The following FHIP1A variants were observed in gnomAD, a reference collection of about 807,000 sequenced individuals.
FHIP1A encodes FHF complex subunit HOOK-interacting protein 1A.
FHIP1A carries 61 observed loss-of-function variants against 88.6 expected under a neutral mutation model. The observed-to-expected ratio is 0.69, with a 90% CI of 0.56 to 0.85. FHIP1A has a LOEUF of 0.85. Among genes scored for constraint, FHIP1A ranks in the 40% least tolerant of loss-of-function variants. The probability of loss-of-function intolerance (pLI) is 0.00; values close to 1 mark genes in which losing one functional copy is unlikely to be tolerated. For missense variants in FHIP1A, 1,154 were observed against 1,273.5 expected, an observed-to-expected ratio of 0.91 and a Z score of 1.43; for synonymous variants, 478 against 496.0, an observed-to-expected ratio of 0.96 and a Z score of 0.48.
At chr4:151,475,315 A>G (rs890164324) in intron 2 of FHIP1A, among the ~76,000 whole-genome samples, 2 of 152,158 alleles carry the variant, frequency 1.3e-5, no homozygotes, top group African/African-American at 4.8e-5. Flanking sequence ...GAAGTTAAAC[A>G]TTTTGTGTAT....
chr4:151,450,931 C>A (rs1728768588), intron 1 of FHIP1A, among the ~76,000 whole-genome samples: 1 of 151,994 alleles, frequency 6.6e-6, no homozygotes, highest in South Asian at 2.1e-4. Flanking sequence ...GTGTGTGCCA[C>A]CATGCTTGGC....
chr4:151,501,113 A>G (rs1417966035), intron 3 of FHIP1A, among the ~76,000 whole-genome samples: 1 of 152,204 alleles, frequency 6.6e-6, no homozygotes, highest in African/African-American at 2.4e-5. Flanking sequence ...AATAAAGGCA[A>G]TATAAACACC....
chr4:151,518,925 A>C (rs1307303975), intron 3 of FHIP1A, among the ~76,000 whole-genome samples: 2 of 152,068 alleles, frequency 1.3e-5, no homozygotes, highest in Admixed American at 6.6e-5. Context: ...CCTGGCCTCC[A>C]GTTCTCCCAC....
chr4:151,494,418 T>C (rs1730389511), intron 3 of FHIP1A, among the ~76,000 whole-genome samples: 1 of 152,244 alleles, frequency 6.6e-6, no homozygotes, highest in Admixed American at 6.5e-5. Flanking sequence ...GTACCATTTA[T>C]TGAATAGGGA....
intron 3 of FHIP1A, among the ~76,000 whole-genome samples, chr4:151,531,817 G>A (rs1036182767): frequency 7.9e-5 from 12 of 152,206 alleles, no homozygotes; most frequent in Non-Finnish European, 7.4e-5. Flanking sequence ...TGCCACTTAC[G>A]TAAATTACAT....
chr4:151,615,896 A>G (rs148158861), intron 7 of FHIP1A, among the ~76,000 whole-genome samples: 78 of 152,208 alleles, frequency 5.1e-4, no homozygotes, highest in African/African-American at 1.9e-3. Flanking sequence ...CAGAAAAGGA[A>G]AGTTTAGATT....
Position 151,586,727 on chromosome 4 carries a change from A to G in FHIP1A, c.819A>G (p.Lys273=), listed in dbSNP as rs1319104345. Residue 273 remains lysine, a synonymous_variant, in exon 6 of 14, where the codon AAA becomes AAG. Transcript: ENST00000435205. The stretch of plus-strand genomic sequence containing the variant: ...GCGAGGAATGGCACTGCCTTCTGAA[A>G]GATGACTGGCTTCTACTTCCTTCTC... ...EKGEEWHCLL[K]DDWLLLPSLV... 1 of 1,551,402 alleles carries G rather than the reference A, an allele frequency of 6.4e-7. No individual in the cohort carries two copies. The highest frequency in any genetic ancestry group is 8.7e-7 in the Non-Finnish European group (1 of 1,146,826).
Position 151,507,035 on chromosome 4 carries a change from C to A in FHIP1A, c.-123+24387C>A, listed in dbSNP as rs150971004. On this transcript the variant is annotated intron_variant, in intron 3 of 13. Coordinates refer to ENST00000435205, the MANE Select transcript of FHIP1A (RefSeq NM_001109977.3). ...AATCTTGAACACAAGGTACTTGTTT[C>A]TAGTTGAGATTTCCTACCCAGAATG... Among the ~76,000 whole-genome samples, 400 of 152,234 alleles carry A rather than the reference C, an allele frequency of 2.6e-3. 1 individual carries two copies. The highest frequency in any genetic ancestry group is 9.3e-3 in the African/African-American group (385 of 41,524).
rs374863360 is a variant in FHIP1A at position 151,544,472 on chromosome 4, CTT to C, written c.-122-21664_-122-21663del. ...TGATTAACCTCACCAAACAGTCCAACTTTGTCATTATTTAATTTCTCCTTTTC... is the reference window on the plus strand; with the variant it reads ...TGATTAACCTCACCAAACAGTCCAACTGTCATTATTTAATTTCTCCTTTTC... On this transcript the variant is annotated intron_variant, in intron 3 of 13. Coordinates refer to ENST00000435205, the MANE Select transcript of FHIP1A (RefSeq NM_001109977.3). 3.4e-3 allele frequency among the ~76,000 whole-genome samples: 515 copies of C among 152,324 alleles called. 3 individuals carry two copies. Among genetic ancestry groups the C allele is most frequent in the African/African-American group, 0.012 (493 of 41,572 alleles).
chr4:151,558,513 A>T (rs1336539638), intron 3 of FHIP1A, among the ~76,000 whole-genome samples: 1 of 151,674 alleles, frequency 6.6e-6, no homozygotes, highest in African/African-American at 2.4e-5. Context: ...CAGCCTGATA[A>T]CAGAGCAACA....
rs545095832 is a variant in FHIP1A, at chr4:151,492,547, G to A, written c.-123+9899G>A. 1.6e-4 allele frequency among the ~76,000 whole-genome samples: 24 copies of A among 150,248 alleles called. No homozygotes were observed. The South Asian group carries it at 4.8e-3, about 30-fold the overall frequency. On this transcript the variant is annotated intron_variant, in intron 3 of 13. Transcript: ENST00000435205. The stretch of plus-strand genomic sequence containing the variant: ...GCATAGGTTGCAATGAGCTGAGATC[G>A]TGTCATTGCACTCCAGCCTGGGTGA...
Position 151,663,016 on chromosome 4 carries a change from T to G in FHIP1A, c.*262T>G. On this transcript the variant is annotated 3_prime_UTR_variant, in exon 14 of 14. Transcript: ENST00000435205. Reference sequence around the variant, plus strand: ...TTGCTCTGTTTTTCCTCCTTATATTTTTTTGGTTGTCATTCTCCTATCCCT... The same window carrying G: ...TTGCTCTGTTTTTCCTCCTTATATTGTTTTGGTTGTCATTCTCCTATCCCT... The G allele has an allele frequency of 2.9e-6, 1 of 340,136 alleles. No homozygotes were observed. Among genetic ancestry groups the G allele is most frequent in the Non-Finnish European group, 5.2e-6 (1 of 190,934 alleles). The allele number at this position is 340,136 out of a possible 1,614,324, so 21.1% of individuals were successfully genotyped here.
chr4:151,605,539 A>C (rs1735039287), intron 7 of FHIP1A, among the ~76,000 whole-genome samples: 1 of 152,238 alleles, frequency 6.6e-6, no homozygotes, highest in Non-Finnish European at 1.5e-5. Context: ...AGACAGAAGC[A>C]AAAAGTCTAC....
At chr4:151,529,154 T>C (rs1371073464) in intron 3 of FHIP1A, among the ~76,000 whole-genome samples, 1 of 152,088 alleles carries the variant, frequency 6.6e-6, no homozygotes, top group Non-Finnish European at 1.5e-5. Flanking sequence ...ACCTACTTTA[T>C]CTCTGGTTGC....
At chr4:151,438,605 C>CTTTTTTTTTTTTT (rs200467402) in intron 1 of FHIP1A, among the ~76,000 whole-genome samples, 10 of 132,464 alleles carry the variant, frequency 7.5e-5, no homozygotes, top group Non-Finnish European at 1.3e-4. Context: ...CGGTTTTTGC[C>CTTTTTTTTTTTTT]TTTTTTTTTT....
intron 3 of FHIP1A, among the ~76,000 whole-genome samples, chr4:151,512,077 C>T (rs1361618077): frequency 6.6e-6 from 1 of 152,222 alleles, no homozygotes; most frequent in Non-Finnish European, 1.5e-5. Flanking sequence ...CCGGGTACTC[C>T]TCTGAGACAA....
chr4:151,451,868 T>G (rs1174123548), intron 1 of FHIP1A, among the ~76,000 whole-genome samples: 1 of 151,678 alleles, frequency 6.6e-6, no homozygotes, highest in East Asian at 1.9e-4. Flanking sequence ...TTGCCCAGGC[T>G]GAAGTGCCAT....
intron 1 of FHIP1A, among the ~76,000 whole-genome samples, chr4:151,418,172 T>TAAAAAAAAA (rs1040622837): frequency 1.4e-4 from 11 of 77,912 alleles, no homozygotes; most frequent in Admixed American, 3.3e-4. Flanking sequence ...AACCTATCTC[T>TAAAAAAAAA]AAAAAAAAAA....
chr4:151,585,135 A>G (rs1418909715), intron 5 of FHIP1A, among the ~76,000 whole-genome samples: 1 of 151,000 alleles, frequency 6.6e-6, no homozygotes, highest in African/African-American at 2.4e-5. Flanking sequence ...ATTCGAGGCC[A>G]TTGTCACCTC....
Sources: gnomAD v4.1 joint callset for allele counts (sites outside exome capture counted in the v4.1 genomes callset) on GRCh38, gnomAD v4.1.1 for gene constraint, MANE v1.5 for transcripts, NCBI Gene and HGNC (gene_info 2026-07-23, HGNC 2026-07-21) for gene names.